The following TCOF1 variants were observed in gnomAD, a reference collection of about 807,000 sequenced individuals.
The protein encoded by TCOF1 is treacle ribosome biogenesis factor 1, also known as treacle protein.
Under a neutral mutation model 149.0 loss-of-function variants are expected in TCOF1, and 33 were observed. The ratio of observed to expected loss-of-function variants is 0.22; its 90% CI spans 0.17 to 0.30. The LOEUF (loss-of-function observed/expected upper bound fraction) is 0.30, where lower values mean the gene tolerates loss of function less well. Among genes scored for constraint, TCOF1 ranks in the 10% least tolerant of loss-of-function variants. The probability of loss-of-function intolerance (pLI) is 1.00; values close to 1 mark genes in which losing one functional copy is unlikely to be tolerated. For missense variants in TCOF1, 1,728 were observed against 1,840.7 expected (o/e 0.94, Z 1.12); for synonymous variants, 789 against 738.8 (o/e 1.07, Z -1.10).
Position 150,357,755 on chromosome 5 carries a change from G to C in TCOF1, c.9G>C (p.Glu3Asp). 1.9e-6 allele frequency: 3 copies of C among 1,549,206 alleles called. No homozygotes were observed. The highest frequency in any genetic ancestry group is 2.6e-6 in the Non-Finnish European group (3 of 1,146,500). The part of the protein sequence containing the change: MA[E>D]ARKRRELLPL... ...GGCCGGGGGTCGCGGGTATGGCCGAGGCCAGGAAGCGGCGGGAGCTACTTC... is the reference window on the plus strand; with the variant it reads ...GGCCGGGGGTCGCGGGTATGGCCGACGCCAGGAAGCGGCGGGAGCTACTTC... The change falls in exon 1 of 27, where the codon GAG becomes GAC. Residue 3 changes from glutamate to aspartate, a missense_variant. This residue lies in a region of TCOF1 where 32 missense variants were observed against 75.3 expected (regional missense o/e 0.43). Transcript: ENST00000643257.
At chr5:150,375,216 T>G in intron 10 of TCOF1, 53 bp downstream of exon 10, 1 of 1,612,182 alleles carries the variant, frequency 6.2e-7, no homozygotes, top group Non-Finnish European at 8.5e-7. Flanking sequence ...AAAGACCTCC[T>G]GTGGTTTTGA....
chr5:150,392,444 G>C, intron 21 of TCOF1: 1 of 609,472 alleles, frequency 1.6e-6, no homozygotes, highest in South Asian at 2.0e-5. Flanking sequence ...CATGTTTCTG[G>C]AACAGTGGAA....
At chr5:150,370,774 C>T (rs1240639494) in intron 6 of TCOF1, among the ~76,000 whole-genome samples, 1 of 152,148 alleles carries the variant, frequency 6.6e-6, no homozygotes, top group African/African-American at 2.4e-5. Flanking sequence ...TGAACCCAGC[C>T]TGAGCAACAT....
chr5:150,367,654 T>G (rs1761650727), intron 3 of TCOF1, 190 bp from the exon 4 acceptor site: 1 of 656,344 alleles, frequency 1.5e-6, no homozygotes, highest in Non-Finnish European at 2.8e-6. Context: ...TCCTCTTCTC[T>G]CTTGCTCCTG....
In TCOF1 at chr5:150,371,998, T is replaced by G; in HGVS notation, c.640-8T>G. 1 of 1,610,928 alleles carries G rather than the reference T, an allele frequency of 6.2e-7. No homozygotes were observed. Among genetic ancestry groups the G allele is most frequent in the Non-Finnish European group, 8.5e-7 (1 of 1,177,076 alleles). Reference sequence around the variant, plus strand: ...TATTCATTTTCTAATTCCATCCTCTTGTTCCAGGGGAAACCCTCAGTAAAA... The same window carrying G: ...TATTCATTTTCTAATTCCATCCTCTGGTTCCAGGGGAAACCCTCAGTAAAA... On this transcript the variant is annotated splice_region_variant and splice_polypyrimidine_tract_variant and intron_variant, in intron 6 of 26. Coordinates refer to ENST00000643257, the MANE Select transcript of TCOF1 (RefSeq NM_001371623.1).
chr5:150,368,473 G>A (rs1298435289), intron 4 of TCOF1: 5 of 558,784 alleles, frequency 8.9e-6, no homozygotes, highest in Non-Finnish European at 1.6e-5. Context: ...ACAACAAACT[G>A]CTACTTACCA....
chr5:150,400,261 CAAAAA>C lies in TCOF1; in HGVS notation c.*480_*484del, dbSNP rs1218706736. On this transcript the variant is annotated 3_prime_UTR_variant, in exon 27 of 27. Transcript: ENST00000643257. ...GTTTTTTGTTTTTTTTTTAATAACT[CAAAAA>C]AAAAATAAAAGACTTGGAGGAAGGG... 6.8e-6 allele frequency: 1 copy of C among 146,268 alleles called. No homozygotes were observed. Among genetic ancestry groups the C allele is most frequent in the African/African-American group, 2.5e-5 (1 of 39,790 alleles). 9.1% of individuals were successfully genotyped at this position (146,268 alleles called of 1,614,324 possible).
chr5:150,376,321 C>A lies in TCOF1; in HGVS notation c.2133C>A (p.Thr711=), dbSNP rs369582082. 1.2e-6 allele frequency: 2 copies of A among 1,614,006 alleles called. No homozygotes were observed. The highest frequency in any genetic ancestry group is 3.3e-5 in the Admixed American group (2 of 60,020). ...AAGAGAAGACAGGTCTTGCAGTAACCGTGGGACAGGTGAGGCCTGTGTTTT... is the reference window on the plus strand; with the variant it reads ...AAGAGAAGACAGGTCTTGCAGTAACAGTGGGACAGGTGAGGCCTGTGTTTT... ...SEEEKTGLAV[T]VGQAKSVGKG... Residue 711 remains threonine (T), a synonymous_variant, in exon 13 of 27, where the codon ACC becomes ACA. Transcript: ENST00000643257.
intron 21 of TCOF1, 147 bp downstream of exon 21, chr5:150,392,323 A>G (rs1045064411): frequency 2.0e-5 from 15 of 766,668 alleles, no homozygotes; most frequent in Non-Finnish European, 2.9e-5. Context: ...CACCTGTACA[A>G]CTTCATGAGG....
In TCOF1 at chr5:150,357,921, C is replaced by T. The variant is rs572185850; in HGVS notation, c.108+67C>T. The T allele has an allele frequency of 2.3e-4, 349 of 1,508,892 alleles. 4 individuals carry two copies. The South Asian group carries it at 3.5e-3, about 15-fold the overall frequency. The allele number at this position is 1,508,892 out of a possible 1,614,324, so 93.5% of individuals were successfully genotyped here. ...GTGGAGATCAGCGGCCCGCGGCCCG[C>T]GCCCCGTCCCCAGGCGACCCGGCAG... On this transcript the variant is annotated intron_variant, in intron 1 of 26. Coordinates refer to ENST00000643257, the MANE Select transcript of TCOF1 (RefSeq NM_001371623.1).
At chr5:150,373,529 A>G (rs1763007764) in intron 7 of TCOF1, among the ~76,000 whole-genome samples, 2 of 152,194 alleles carry the variant, frequency 1.3e-5, no homozygotes, top group Admixed American at 1.3e-4. Context: ...TCCAGGGAAG[A>G]CAGGGCCTGC....
rs574892263 is a variant in TCOF1, at chr5:150,382,618, T to C, written c.2859+2886T>C. 3.9e-5 allele frequency among the ~76,000 whole-genome samples: 6 copies of C among 152,204 alleles called. No homozygotes were observed. The East Asian group carries it at 1.2e-3, about 29-fold the overall frequency. On this transcript the variant is annotated intron_variant, in intron 17 of 26. Coordinates refer to ENST00000643257, the MANE Select transcript of TCOF1 (RefSeq NM_001371623.1). ...TGCTTGCTCATCCTTCCAGCCCCCA[T>C]CATCACACCTGCCCCAACAGGAGGG...
At chr5:150,383,005 C>A (rs1192786084) in intron 17 of TCOF1, 3 of 1,387,728 alleles carry the variant, frequency 2.2e-6, no homozygotes, top group Non-Finnish European at 2.9e-6. Flanking sequence ...GGCTGTTTCC[C>A]CCTCAGCAAA....
At chr5:150,376,872 C>G (rs1167782542) in intron 14 of TCOF1, among the ~76,000 whole-genome samples, 1 of 152,218 alleles carries the variant, frequency 6.6e-6, no homozygotes, top group African/African-American at 2.4e-5. Context: ...CTCTGGAGTT[C>G]CCACCCTGCC....
At chr5:150,359,734 C>T (rs1306517373) in intron 1 of TCOF1, among the ~76,000 whole-genome samples, 1 of 152,076 alleles carries the variant, frequency 6.6e-6, no homozygotes, top group East Asian at 1.9e-4. Flanking sequence ...AATATCCTGC[C>T]GTCATGGAGC....
In TCOF1 at chr5:150,400,078, C is replaced by T. The variant is rs1040560110; in HGVS notation, c.*291C>T. 6.6e-6 allele frequency: 1 copy of T among 152,316 alleles called. No homozygotes were observed. Among genetic ancestry groups the T allele is most frequent in the Non-Finnish European group, 1.5e-5 (1 of 68,182 alleles). The allele number at this position is 152,316 out of a possible 1,614,324, so 9.4% of individuals were successfully genotyped here. Reference sequence around the variant, plus strand: ...GTATATGTATTTTTTTAAGTGACCTCCTCTCCTTCCACAGACCCCACATGC... The same window carrying T: ...GTATATGTATTTTTTTAAGTGACCTTCTCTCCTTCCACAGACCCCACATGC... On this transcript the variant is annotated 3_prime_UTR_variant, in exon 27 of 27. Coordinates refer to ENST00000643257, the MANE Select transcript of TCOF1 (RefSeq NM_001371623.1).
rs746397177 is a variant in TCOF1, at chr5:150,388,048, G to A, written c.3006G>A (p.Glu1002=). ...STARSSSSES[E]DEDVIPATQC... ...CCAGGAGCTCCTCCTCCGAGAGCGA[G>A]GATGAGGACGTGATCCCCGCTACAC... Residue 1002 remains glutamate (E), a synonymous_variant, in exon 18 of 27, where the codon GAG becomes GAA. Transcript: ENST00000643257. The A allele has an allele frequency of 2.5e-6, 4 of 1,613,708 alleles. No individual in the cohort carries two copies. Among genetic ancestry groups the A allele is most frequent in the African/African-American group, 1.3e-5 (1 of 75,014 alleles).
chr5:150,367,795 G>T, intron 3 of TCOF1, 49 bp from the exon 4 acceptor site: 1 of 1,606,254 alleles, frequency 6.2e-7, no homozygotes, highest in South Asian at 1.1e-5. Flanking sequence ...GCCATTCATA[G>T]ATGAGAAAAG....
intron 6 of TCOF1, among the ~76,000 whole-genome samples, chr5:150,370,818 T>TA (rs1265051491): frequency 2.6e-5 from 4 of 152,192 alleles, no homozygotes; most frequent in South Asian, 2.1e-4. Flanking sequence ...TGTTATTTTT[T>TA]AAAAAAACAA....
Sources: gnomAD v4.1 joint callset for allele counts (sites outside exome capture counted in the v4.1 genomes callset) on GRCh38, gnomAD v4.1.1 for gene constraint, gnomAD v4.1.1 regional missense constraint, MANE v1.5 for transcripts, NCBI Gene and HGNC (gene_info 2026-07-23, HGNC 2026-07-21) for gene names.